The following ROBO1 variants were observed in gnomAD, a reference collection of about 807,000 sequenced individuals.
ROBO1 encodes the protein roundabout guidance receptor 1.
ROBO1 carries 149 observed loss-of-function variants against 195.9 expected under a neutral mutation model. The observed-to-expected ratio is 0.76, with a 90% CI of 0.67 to 0.87. The LOEUF (loss-of-function observed/expected upper bound fraction) is 0.87. ROBO1 is among the 40% of genes least tolerant of loss of function. The probability of loss-of-function intolerance (pLI) is 0.00; values close to 1 mark genes in which losing one functional copy is unlikely to be tolerated. For missense variants in ROBO1, 1,933 were observed against 2,068.3 expected (o/e 0.93, Z 1.27); for synonymous variants, 816 against 733.2 (o/e 1.11, Z -1.82).
chr3:78,676,731 A>C (rs1372185637), intron 10 of ROBO1, among the ~76,000 whole-genome samples: 3 of 152,240 alleles, frequency 2.0e-5, no homozygotes, highest in African/African-American at 7.2e-5. Flanking sequence ...GGAGAATGGA[A>C]CCAAGTTGAA....
intron 4 of ROBO1, among the ~76,000 whole-genome samples, chr3:78,760,051 G>A (rs2083055634): frequency 6.6e-6 from 1 of 152,114 alleles, no homozygotes; most frequent in South Asian, 2.1e-4. Flanking sequence ...TTTCCCCCAT[G>A]CTGTTCTCAT....
At chr3:78,782,389 G>T (rs1398981373) in intron 4 of ROBO1, among the ~76,000 whole-genome samples, 1 of 151,974 alleles carries the variant, frequency 6.6e-6, no homozygotes, top group Non-Finnish European at 1.5e-5. Flanking sequence ...TAGAGATGGA[G>T]TTTCACTATG....
chr3:79,072,579 T>C (rs994666741), intron 3 of ROBO1, among the ~76,000 whole-genome samples: 1 of 151,932 alleles, frequency 6.6e-6, no homozygotes, highest in Admixed American at 6.6e-5. Flanking sequence ...CACTCACCTA[T>C]AGTTCTGCCT....
intron 2 of ROBO1, among the ~76,000 whole-genome samples, chr3:79,377,651 C>T (rs1043689335): frequency 1.3e-5 from 2 of 151,864 alleles, no homozygotes; most frequent in Admixed American, 6.6e-5. Flanking sequence ...TTATTTTGAC[C>T]GCATTTTCAC....
chr3:78,681,233 A>C (rs2080899385), intron 10 of ROBO1, among the ~76,000 whole-genome samples: 1 of 152,042 alleles, frequency 6.6e-6, no homozygotes, highest in African/African-American at 2.4e-5. Flanking sequence ...ACCTAATGCT[A>C]AATGAGGAGT....
chr3:79,455,269 G>A lies in ROBO1; in HGVS notation c.88+134555C>T, dbSNP rs564006632. ...TTTAACACTTACCTCTGTGGAATGG[G>A]TGAAATGCCACATTTAACATCAATC... On this transcript the variant is annotated intron_variant, in intron 2 of 30. Transcript: ENST00000464233. Among the ~76,000 whole-genome samples the A allele has an allele frequency of 2.9e-4, 44 of 152,180 alleles. 1 individual carries two copies. The highest frequency in any genetic ancestry group is 1.0e-3 in the African/African-American group (42 of 41,528).
At chr3:79,264,674 G>A (rs534005121) in intron 2 of ROBO1, among the ~76,000 whole-genome samples, 1 of 151,996 alleles carries the variant, frequency 6.6e-6, no homozygotes, top group African/African-American at 2.4e-5. Context: ...CTTGACTAAA[G>A]TAGGGAAGCA....
At chr3:78,921,191 G>A (rs2107597913) in intron 4 of ROBO1, among the ~76,000 whole-genome samples, 1 of 152,202 alleles carries the variant, frequency 6.6e-6, no homozygotes, top group East Asian at 1.9e-4. Context: ...AAAAAACTTA[G>A]ACTATTTTAT....
At position 79,387,443 on chromosome 3, in the gene ROBO1, C is replaced by G. The variant is rs1299142515; in HGVS notation, c.88+202381G>C. On this transcript the variant is annotated intron_variant, in intron 2 of 30. Transcript: ENST00000464233. Reference sequence around the variant, plus strand: ...ATTTGTGTATATATATACATATATGCATGTTATATATAATATATAAAATAT... The same window carrying G: ...ATTTGTGTATATATATACATATATGGATGTTATATATAATATATAAAATAT... Among the ~76,000 whole-genome samples the G allele has an allele frequency of 3.3e-5, 5 of 150,020 alleles. No individual in the cohort carries two copies. The East Asian group carries it at 9.7e-4, about 29-fold the overall frequency.
chr3:79,606,035 C>CATATAT (rs111238153), intron 1 of ROBO1, among the ~76,000 whole-genome samples: 3,558 of 146,716 alleles, frequency 0.024, 58 homozygotes, highest in Middle Eastern at 0.061. Context: ...CATGTACCCA[C>CATATAT]ATATATATAT....
chr3:79,024,514 A>G (rs940775973), intron 3 of ROBO1, among the ~76,000 whole-genome samples: 4 of 152,164 alleles, frequency 2.6e-5, no homozygotes, highest in Non-Finnish European at 4.4e-5. Flanking sequence ...TAGCCAGGGA[A>G]CTTATATTTG....
chr3:78,811,318 G>A (rs2084732441), intron 4 of ROBO1, among the ~76,000 whole-genome samples: 1 of 152,144 alleles, frequency 6.6e-6, no homozygotes, highest in East Asian at 1.9e-4. Flanking sequence ...ACATTCTAGT[G>A]TAATTAGAGG....
At chr3:78,711,398 C>CCTTTCTTTCTTTCTTT (rs1235633066) in intron 8 of ROBO1, among the ~76,000 whole-genome samples, 11 of 39,950 alleles carry the variant, frequency 2.8e-4, no homozygotes, top group Non-Finnish European at 5.4e-4. Flanking sequence ...TTCCTTCCTT[C>CCTTTCTTTCTTTCTTT]CTTTCTTTCT....
intron 4 of ROBO1, among the ~76,000 whole-genome samples, chr3:78,787,142 C>T (rs150924347): frequency 6.6e-5 from 10 of 152,226 alleles, no homozygotes; most frequent in African/African-American, 2.4e-4. Context: ...GAATAAGTTC[C>T]CAGGTGATAT....
At chr3:78,931,473 T>C (rs1004829027) in intron 4 of ROBO1, among the ~76,000 whole-genome samples, 3 of 151,940 alleles carry the variant, frequency 2.0e-5, no homozygotes, top group Admixed American at 1.3e-4. Context: ...GTCGAAGTCT[T>C]AACCTCAAGC....
chr3:78,734,397 C>CAA (rs35325702), intron 5 of ROBO1, among the ~76,000 whole-genome samples: 2 of 134,876 alleles, frequency 1.5e-5, no homozygotes, highest in Non-Finnish European at 1.6e-5. Context: ...CCCACCGCCA[C>CAA]AAAAAAAAAA....
chr3:78,789,716 C>G (rs1299932319), intron 4 of ROBO1, among the ~76,000 whole-genome samples: 4 of 152,132 alleles, frequency 2.6e-5, no homozygotes. Context: ...CTTCAGTTTT[C>G]CAGTGCTAGA....
At chr3:78,884,898 C>T (rs993988472) in intron 4 of ROBO1, among the ~76,000 whole-genome samples, 4 of 99,636 alleles carry the variant, frequency 4.0e-5, no homozygotes, top group African/African-American at 1.1e-4. Context: ...GTGTGTATTT[C>T]TCTTCTGTAT....
chr3:79,658,825 A>G (rs1015473913), intron 1 of ROBO1, among the ~76,000 whole-genome samples: 1 of 151,270 alleles, frequency 6.6e-6, no homozygotes, highest in Non-Finnish European at 1.5e-5. Flanking sequence ...CTGAGGTGCA[A>G]TGGTACAATC....
Sources: allele counts gnomAD v4.1 joint callset (sites outside exome capture counted in the v4.1 genomes callset), GRCh38; gene constraint gnomAD v4.1.1; transcripts MANE v1.5; gene names NCBI Gene and HGNC (gene_info 2026-07-23, HGNC 2026-07-21).